Variants in DNAH2 observed in about 807,000 individuals in gnomAD.
DNAH2 encodes the protein axonemal beta dynein heavy chain 2.
DNAH2 carries 323 observed loss-of-function variants against 523.5 expected under a neutral mutation model. The observed-to-expected ratio is 0.62, with a 90% CI of 0.56 to 0.68. DNAH2 has a LOEUF of 0.68. Among genes scored for constraint, DNAH2 ranks in the 30% least tolerant of loss-of-function variants. DNAH2 has a pLI of 0.00. For synonymous variants in DNAH2, 2,093 were observed against 2,177.4 expected (o/e 0.96, Z 1.08); for missense variants, 4,907 against 5,701.5 (o/e 0.86, Z 4.49).
In DNAH2 at chr17:7,798,288, G is replaced by T; in HGVS notation, c.8362G>T (p.Val2788Phe). The T allele has an allele frequency of 3.1e-6, 5 of 1,613,470 alleles. No individual in the cohort carries two copies. Among genetic ancestry groups the T allele is most frequent in the Non-Finnish European group, 4.2e-6 (5 of 1,179,498 alleles). Reference protein sequence around the residue: ...ICDYTTFQIEVTKHYRKQEFR... With the variant: ...ICDYTTFQIEFTKHYRKQEFR... ...CGACTACACCACCTTCCAGATCGAG[G>T]TCACCAAACATTATCGGAAGCAGGA... The change falls in exon 54 of 86, where the codon GTC (valine) becomes TTC (phenylalanine). Residue 2788 changes from valine to phenylalanine, a missense_variant. By Grantham distance (50) the Val-to-Phe change is conservative (BLOSUM62 -1). Coordinates refer to ENST00000572933, the MANE Select transcript of DNAH2 (RefSeq NM_020877.5). This position sits in a 1 kb window ranked among gnomAD's most constrained non-coding sequence, Gnocchi z 5.5.
At chr17:7,747,328 A>G (rs188530985) in intron 12 of DNAH2, among the ~76,000 whole-genome samples, 163 of 152,192 alleles carry the variant, frequency 1.1e-3, no homozygotes, top group Non-Finnish European at 1.8e-3. Flanking sequence ...TTCTGTATGT[A>G]TAGAATTACT....
In DNAH2 at chr17:7,727,200, G is replaced by C. The variant is rs2074843023; in HGVS notation, c.307G>C (p.Glu103Gln). 2 of 1,608,786 alleles carry C rather than the reference G, an allele frequency of 1.2e-6. No individual in the cohort carries two copies. Among genetic ancestry groups the C allele is most frequent in the Non-Finnish European group, 8.5e-7 (1 of 1,178,040 alleles). The change falls in exon 4 of 86, where the codon GAA becomes CAA. Residue 103 changes from glutamate (E) to glutamine (Q), a missense_variant. Transcript: ENST00000572933. ...VWTQEHDAILEHFAQDPTESI... is the reference protein window; with the variant it reads ...VWTQEHDAILQHFAQDPTESI... ...GACACAGGAGCATGATGCCATTCTG[G>C]AACACTTTGCCCAGGACCCTACAGA...
rs1295625908 is a variant in DNAH2 at position 7,768,209 on chromosome 17, C to A, written c.3883C>A (p.Gln1295Lys). The change falls in exon 24 of 86, where the codon CAG becomes AAG. Residue 1295 changes from glutamine to lysine, a missense_variant. By Grantham distance (53) the Gln-to-Lys change is moderately conservative. Transcript: ENST00000572933. ...IIETTRSKIE[Q>K]FKRTMPLISD... Reference sequence around the variant, plus strand: ...TGAAACCACTCGCTCAAAAATAGAGCAGTTCAAGAGGACCATGCCTCTCAT... The same window carrying A: ...TGAAACCACTCGCTCAAAAATAGAGAAGTTCAAGAGGACCATGCCTCTCAT... 1.9e-6 allele frequency: 3 copies of A among 1,614,168 alleles called. No individual in the cohort carries two copies. The highest frequency in any genetic ancestry group is 1.1e-5 in the South Asian group (1 of 91,080).
intron 12 of DNAH2, among the ~76,000 whole-genome samples, chr17:7,752,058 C>G (rs1312626737): frequency 6.6e-6 from 1 of 151,250 alleles, no homozygotes; most frequent in Admixed American, 6.6e-5. Flanking sequence ...TCCGCCTCAG[C>G]CCCCCAAGTA....
At position 7,774,818 on chromosome 17, in the gene DNAH2, G is replaced by C. The variant is rs757638623; in HGVS notation, c.4561G>C (p.Asp1521His). The change falls in exon 29 of 86, where the codon GAT becomes CAT. Residue 1521 changes from aspartate (D) to histidine (H), a missense_variant. Asp to His is a moderately conservative substitution (Grantham distance 81). Coordinates refer to ENST00000572933, the MANE Select transcript of DNAH2 (RefSeq NM_020877.5). ...CCTGGAAGATATTCAGAAATCTCTG[G>C]ATATGTATTTAGAGACCAAGCGACA... ...TILEDIQKSL[D>H]MYLETKRHIF... 1 of 1,614,052 alleles carries C rather than the reference G, an allele frequency of 6.2e-7. No individual in the cohort carries two copies. Among genetic ancestry groups the C allele is most frequent in the Non-Finnish European group, 8.5e-7 (1 of 1,180,032 alleles).
chr17:7,797,384 A>C lies in DNAH2; in HGVS notation c.7950-16A>C, dbSNP rs183387153. 720 of 1,614,000 alleles carry C rather than the reference A, an allele frequency of 4.5e-4. 13 individuals are homozygous for C. The East Asian group carries it at 0.012, about 27-fold the overall frequency. Reference sequence around the variant, plus strand: ...CCTCTTTATTCCCCGATCTCACCCCAGTTCCCTGCCCACAGAGTCTTCTCT... The same window carrying C: ...CCTCTTTATTCCCCGATCTCACCCCCGTTCCCTGCCCACAGAGTCTTCTCT... On this transcript the variant is annotated splice_polypyrimidine_tract_variant and intron_variant, in intron 51 of 85. Transcript: ENST00000572933.
At chr17:7,759,367 G>C in intron 15 of DNAH2, 55 bp from the exon 16 acceptor site, 1 of 1,555,880 alleles carries the variant, frequency 6.4e-7, no homozygotes, top group Non-Finnish European at 8.7e-7. Context: ...TCACTTCCCA[G>C]GATGTGCCCT....
Position 7,807,082 on chromosome 17 carries a change from G to A in DNAH2, c.9443-68G>A, listed in dbSNP as rs1255072591. 3.2e-6 allele frequency: 5 copies of A among 1,552,922 alleles called. No individual in the cohort carries two copies. Among genetic ancestry groups the A allele is most frequent in the Non-Finnish European group, 4.3e-6 (5 of 1,152,890 alleles). Reference sequence around the variant, plus strand: ...AATGTGGCTATGCGTGAGTAGTGGAGGTGAAACTGCTGGACAAGGAGGATG... The same window carrying A: ...AATGTGGCTATGCGTGAGTAGTGGAAGTGAAACTGCTGGACAAGGAGGATG... On this transcript the variant is annotated intron_variant, in intron 61 of 85. Transcript: ENST00000572933. The surrounding 1 kb of genome is among the most constrained non-coding windows in gnomAD (Gnocchi z 5.6).
At chr17:7,775,464 T>G in intron 30 of DNAH2, 122 bp downstream of exon 30, 2 of 868,998 alleles carry the variant, frequency 2.3e-6, no homozygotes, top group Non-Finnish European at 3.6e-6. Flanking sequence ...GGTGGGCAGA[T>G]CACCTGAGGT....
intron 18 of DNAH2, among the ~76,000 whole-genome samples, chr17:7,761,231 G>C (rs2075996041): frequency 6.6e-6 from 1 of 152,186 alleles, no homozygotes; most frequent in African/African-American, 2.4e-5. Flanking sequence ...TTGATTCTAA[G>C]AAGGCAGATG....
chr17:7,759,807 C>G lies in DNAH2; in HGVS notation c.2654C>G (p.Thr885Ser), dbSNP rs748259341. 2 of 1,614,234 alleles carry G rather than the reference C, an allele frequency of 1.2e-6. No individual in the cohort carries two copies. The highest frequency in any genetic ancestry group is 2.2e-5 in the East Asian group (1 of 44,894). ...TCCTCACAGGTGGAATTCTCACCCA[C>G]TCTGCAGACTTTGGCAGGTGTGGTC... Reference protein sequence around the residue: ...GSVAQVEFSPTLQTLAGVVND... With the variant: ...GSVAQVEFSPSLQTLAGVVND... The change falls in exon 17 of 86, where the codon ACT becomes AGT. Residue 885 changes from threonine to serine, a missense_variant. Physicochemically the swap from Thr to Ser is moderately conservative, Grantham distance 58. Transcript: ENST00000572933.
intron 15 of DNAH2, 103 bp downstream of exon 15, chr17:7,759,227 T>C (rs1160676639): frequency 4.6e-6 from 7 of 1,518,822 alleles, no homozygotes; most frequent in Admixed American, 2.0e-5. Flanking sequence ...TTTTTACCAG[T>C]GTGTACTTCT....
In DNAH2 at chr17:7,794,305, A is replaced by T. The variant is rs766275482; in HGVS notation, c.7621A>T (p.Ile2541Phe). 6.2e-7 allele frequency: 1 copy of T among 1,610,050 alleles called. No homozygotes were observed. The highest frequency in any genetic ancestry group is 1.3e-5 in the African/African-American group (1 of 74,662). The change falls in exon 49 of 86, where the codon ATC becomes TTC. Residue 2541 changes from isoleucine (I) to phenylalanine (F), a missense_variant. Physicochemically the swap from Ile to Phe is conservative, Grantham distance 21. Coordinates refer to ENST00000572933, the MANE Select transcript of DNAH2 (RefSeq NM_020877.5). The part of the protein sequence containing the change: ...MGPPGGGRTV[I>F]SPRLRSRFNI... The stretch of plus-strand genomic sequence containing the variant: ...CCCCCCTGGGGGTGGACGGACTGTC[A>T]TCTCCCCAAGGCTACGGAGTCGCTT...
At position 7,831,116 on chromosome 17, in the gene DNAH2, C is replaced by G. The variant is rs571455460; in HGVS notation, c.12261C>G (p.Pro4087=). 4.2e-4 allele frequency: 676 copies of G among 1,613,862 alleles called. 9 individuals are homozygous for G. In the South Asian group the frequency reaches 7.1e-3, roughly 17 times the overall value. The part of the protein sequence containing the change: ...RLSALETYFI[P]KDGSLASYKE... ...CAGCACTGGAGACTTATTTCATCCC[C>G]AAGGATGGCAGCCTCGCTTCTTACA... The change falls in exon 80 of 86, where the codon CCC becomes CCG. Residue 4087 remains proline (P), a synonymous_variant. Coordinates refer to ENST00000572933, the MANE Select transcript of DNAH2 (RefSeq NM_020877.5). This position sits in a 1 kb window ranked among gnomAD's most constrained non-coding sequence, Gnocchi z 4.2.
At position 7,824,694 on chromosome 17, in the gene DNAH2, G is replaced by C. The variant is rs1273367778; in HGVS notation, c.11820G>C (p.Gln3940His). The C allele has an allele frequency of 6.3e-7, 1 of 1,591,778 alleles. No individual in the cohort carries two copies. Residue 3940 changes from glutamine to histidine, a missense_variant, in exon 77 of 86, where the codon CAG becomes CAC. Around this residue, in one of 3 missense-constraint regions of DNAH2, gnomAD observed 1,851 missense variants for 2,139.4 expected, o/e 0.87. Transcript: ENST00000572933. ...CAGACTTCCCTATCTCAATCTTGCA[G>C]GTCAGCATCAAGATGACCACAGAGC... ...PHPDFPISIL[Q>H]VSIKMTTEPP...
intron 18 of DNAH2, among the ~76,000 whole-genome samples, chr17:7,762,331 C>CTTTTTTT (rs35824439): frequency 8.9e-6 from 1 of 111,834 alleles, no homozygotes; most frequent in Non-Finnish European, 1.8e-5. Flanking sequence ...CGTAGGATTT[C>CTTTTTTT]TTTTTTTTTT....
In DNAH2 at chr17:7,817,348, T is replaced by G; in HGVS notation, c.9953T>G (p.Leu3318Arg). 6.2e-7 allele frequency: 1 copy of G among 1,609,888 alleles called. No individual in the cohort carries two copies. Among genetic ancestry groups the G allele is most frequent in the African/African-American group, 1.3e-5 (1 of 74,706 alleles). The change falls in exon 65 of 86, where the codon CTG becomes CGG. Residue 3318 changes from leucine (L) to arginine (R), a missense_variant. This residue lies in a region of DNAH2 where 1,851 missense variants were observed against 2,139.4 expected (regional missense o/e 0.87). Transcript: ENST00000572933. Reference protein sequence around the residue: ...VGDCLLAAAFLSYMGPFLTNY... With the variant: ...VGDCLLAAAFRSYMGPFLTNY... Reference sequence around the variant, plus strand: ...GACTGTCTCCTGGCAGCTGCCTTCCTGTCCTACATGGGACCCTTCCTGACC... The same window carrying G: ...GACTGTCTCCTGGCAGCTGCCTTCCGGTCCTACATGGGACCCTTCCTGACC...
intron 85 of DNAH2, 56 bp downstream of exon 85, chr17:7,833,277 C>T: frequency 6.2e-7 from 1 of 1,607,168 alleles, no homozygotes; most frequent in Non-Finnish European, 8.5e-7. Flanking sequence ...TGGAACTTAA[C>T]CCATTCTCTG....
intron 52 of DNAH2, 63 bp from the exon 53 acceptor site, chr17:7,797,617 G>A (rs2077102193): frequency 5.0e-6 from 8 of 1,613,840 alleles, no homozygotes; most frequent in Middle Eastern, 1.7e-4. Context: ...CTGAAGTGTG[G>A]AGCCCTGTGG....
Sources: gnomAD v4.1 joint callset for allele counts (sites outside exome capture counted in the v4.1 genomes callset) on GRCh38, gnomAD v4.1.1 for gene constraint, gnomAD v4.1.1 regional missense constraint, Gnocchi (gnomAD v3.1) non-coding constraint, MANE v1.5 for transcripts, NCBI Gene and HGNC (gene_info 2026-07-23, HGNC 2026-07-21) for gene names.